The following LLGL2 variants were observed in gnomAD, a reference collection of about 807,000 sequenced individuals.
LLGL2 encodes LLGL scribble cell polarity complex component 2.
LLGL2 carries 81 observed loss-of-function variants against 123.2 expected under a neutral mutation model. That is an observed-to-expected ratio of 0.66 (90% CI 0.55 to 0.79). The LOEUF is 0.79. Ranked by LOEUF, LLGL2 falls within the 30% of genes least tolerant of loss-of-function variation. The pLI is 0.00. For synonymous variants in LLGL2, 577 were observed against 594.1 expected (o/e 0.97, Z 0.42); for missense variants, 1,273 against 1,414.6 (o/e 0.90, Z 1.61).
At chr17:75,550,601 A>G (rs1310063063) in intron 2 of LLGL2, among the ~76,000 whole-genome samples, 1 of 152,030 alleles carries the variant, frequency 6.6e-6, no homozygotes, top group East Asian at 1.9e-4. Context: ...CCTGGGCAAC[A>G]TAGTGACACC....
intron 19 of LLGL2, among the ~76,000 whole-genome samples, chr17:75,572,499 A>C (rs755343443): frequency 6.6e-6 from 1 of 152,104 alleles, no homozygotes; most frequent in Non-Finnish European, 1.5e-5. Context: ...CCGTCTCTAC[A>C]AACAAATGCA....
At chr17:75,527,961 AT>A (rs146301005) in intron 1 of LLGL2, among the ~76,000 whole-genome samples, 33,183 of 136,196 alleles carry the variant, frequency 0.24, 4,020 homozygotes, top group Middle Eastern at 0.37. Context: ...CTAATTTTCT[AT>A]TTTTTTTTTA....
In LLGL2 at chr17:75,559,633, C is replaced by T. The variant is rs1037313742; in HGVS notation, c.530+223C>T. ...TAAAAAGGGGGCTTTGAGGGTCCCT[C>T]GTCTAAAGGCCCCAAATGACTGTGT... On this transcript the variant is annotated intron_variant, in intron 6 of 25. Transcript: ENST00000392550. The surrounding 1 kb of genome is among the most constrained non-coding windows in gnomAD (Gnocchi z 4.6). Among the ~76,000 whole-genome samples, 5 of 152,194 alleles carry T rather than the reference C, an allele frequency of 3.3e-5. No homozygotes were observed. The highest frequency in any genetic ancestry group is 5.9e-5 in the Non-Finnish European group (4 of 68,036).
At chr17:75,563,579 G>A in intron 8 of LLGL2, 116 bp downstream of exon 8, 1 of 1,524,534 alleles carries the variant, frequency 6.6e-7, no homozygotes, top group Admixed American at 1.8e-5. Context: ...TTTGTCCAAA[G>A]CCACACAGCA....
chr17:75,540,317 G>A (rs2054159360), intron 1 of LLGL2, among the ~76,000 whole-genome samples: 1 of 152,226 alleles, frequency 6.6e-6, no homozygotes, highest in Non-Finnish European at 1.5e-5. Flanking sequence ...GCCAGGTCTA[G>A]ACCAGCCCCC....
At chr17:75,532,077 C>CACT (rs58220046) in intron 1 of LLGL2, among the ~76,000 whole-genome samples, 17 of 83,994 alleles carry the variant, frequency 2.0e-4, no homozygotes, top group Admixed American at 5.7e-4. Context: ...CACACACACA[C>CACT]TTTTTTTTTT....
At chr17:75,539,493 C>T (rs148339508) in intron 1 of LLGL2, among the ~76,000 whole-genome samples, 4,957 of 152,174 alleles carry the variant, frequency 0.033, 256 homozygotes, top group African/African-American at 0.11. Flanking sequence ...ATCCTCCCAC[C>T]TTGGCCTCCC....
In LLGL2 at chr17:75,551,685, A is replaced by C. The variant is rs2054681480; in HGVS notation, c.76-4361A>C. Among the ~76,000 whole-genome samples the C allele has an allele frequency of 3.3e-5, 5 of 152,134 alleles. No homozygotes were observed. In the South Asian group the frequency reaches 1.0e-3, roughly 32 times the overall value. On this transcript the variant is annotated intron_variant, in intron 2 of 25. Coordinates refer to ENST00000392550, the MANE Select transcript of LLGL2 (RefSeq NM_001031803.2). ...CTTGTGGCCTGAGAGCCTAGCAAAA[A>C]GTTACAGGCTGTTTTCTCTGTGGCC...
intron 2 of LLGL2, among the ~76,000 whole-genome samples, chr17:75,552,128 T>TA (rs35724508): frequency 0.44 from 66,627 of 150,068 alleles, 16,523 homozygotes; most frequent in South Asian, 0.62. Flanking sequence ...ACTCTGTCTT[T>TA]AAAAAAAAAG....
chr17:75,560,854 G>T (rs1443406552), intron 6 of LLGL2, among the ~76,000 whole-genome samples: 1 of 125,914 alleles, frequency 7.9e-6, no homozygotes, highest in African/African-American at 2.8e-5. Flanking sequence ...CATTTTTTTT[G>T]AGAGAGTCTT....
In LLGL2 at chr17:75,544,522, C is replaced by T. The variant is rs191648099; in HGVS notation, c.75+1021C>T. ...TCAGCTTGCCCAGGTGCAAACCCAA[C>T]TTTGCCACATAGAAGCTGGATGGCC... On this transcript the variant is annotated intron_variant, in intron 2 of 25. Coordinates refer to ENST00000392550, the MANE Select transcript of LLGL2 (RefSeq NM_001031803.2). This position sits in a 1 kb window ranked among gnomAD's most constrained non-coding sequence, Gnocchi z 4.2. 5.6e-4 allele frequency among the ~76,000 whole-genome samples: 86 copies of T among 152,392 alleles called. No individual in the cohort carries two copies. Among genetic ancestry groups the T allele is most frequent in the Admixed American group, 2.3e-3 (35 of 15,310 alleles).
Position 75,571,755 on chromosome 17 carries a change from A to T in LLGL2, c.2265A>T (p.Arg755Ser). ...FSLRVPPAERRMDEPVRAEQA... is the reference protein window; with the variant it reads ...FSLRVPPAERSMDEPVRAEQA... Reference sequence around the variant, plus strand: ...TGCGTGTGCCTCCCGCCGAGCGGAGAATGGATGAGCCTGTGCGGGCAGAGC... The same window carrying T: ...TGCGTGTGCCTCCCGCCGAGCGGAGTATGGATGAGCCTGTGCGGGCAGAGC... Residue 755 changes from arginine (R) to serine (S), a missense_variant, in exon 18 of 26, where the codon AGA (arginine) becomes AGT (serine). Arg to Ser is a moderately radical substitution (Grantham distance 110). Coordinates refer to ENST00000392550, the MANE Select transcript of LLGL2 (RefSeq NM_001031803.2). The T allele has an allele frequency of 6.2e-7, 1 of 1,608,824 alleles. No homozygotes were observed. The highest frequency in any genetic ancestry group is 8.5e-7 in the Non-Finnish European group (1 of 1,179,878).
intron 10 of LLGL2, among the ~76,000 whole-genome samples, chr17:75,566,210 C>T (rs1661723): frequency 0.35 from 52,569 of 152,032 alleles, 10,252 homozygotes; most frequent in African/African-American, 0.55. Flanking sequence ...ATGTGGCCAG[C>T]GCCAGATCGT....
chr17:75,525,480 G>T (rs556036509), upstream of LLGL2, among the ~76,000 whole-genome samples: 10 of 151,916 alleles, frequency 6.6e-5, no homozygotes, highest in South Asian at 2.1e-4. This position sits in a 1 kb window ranked among gnomAD's most constrained non-coding sequence, Gnocchi z 4.8. Context: ...CCAGGTGCGC[G>T]CAGGTGAGGC....
intron 2 of LLGL2, among the ~76,000 whole-genome samples, chr17:75,554,154 T>C (rs776561571): frequency 1.3e-5 from 2 of 151,870 alleles, no homozygotes; most frequent in Non-Finnish European, 2.9e-5. Flanking sequence ...ATACAAAAAT[T>C]AGCTGGGCAT....
chr17:75,573,868 T>TGG, intron 21 of LLGL2, 84 bp from the exon 22 acceptor site: 11 of 1,478,776 alleles, frequency 7.4e-6, no homozygotes, highest in Middle Eastern at 1.7e-4. Context: ...GCTGCGCCAT[T>TGG]GACTTGTTCT....
intron 1 of LLGL2, among the ~76,000 whole-genome samples, chr17:75,541,593 C>T (rs895675259): frequency 3.3e-5 from 5 of 152,170 alleles, no homozygotes; most frequent in Admixed American, 1.3e-4. Context: ...AGGAACATCC[C>T]GGAATGACCC....
chr17:75,541,401 C>G (rs1478740001), intron 1 of LLGL2, among the ~76,000 whole-genome samples: 1 of 152,224 alleles, frequency 6.6e-6, no homozygotes, highest in Non-Finnish European at 1.5e-5. Context: ...GCTGGGCCAG[C>G]AGATCTGGGT....
chr17:75,563,929 T>C (rs964355231), intron 9 of LLGL2, 123 bp downstream of exon 9: 8 of 960,898 alleles, frequency 8.3e-6, no homozygotes, highest in Non-Finnish European at 1.3e-5. Context: ...GTTGGGGTCT[T>C]GGACACCAGG....
Sources: gnomAD v4.1 joint callset for allele counts (sites outside exome capture counted in the v4.1 genomes callset) on GRCh38, gnomAD v4.1.1 for gene constraint, Gnocchi (gnomAD v3.1) non-coding constraint, MANE v1.5 for transcripts, NCBI Gene and HGNC (gene_info 2026-07-23, HGNC 2026-07-21) for gene names.